GMDS: variants seen among roughly 807,000 people sequenced by gnomAD.
GMDS encodes GDP-mannose 4,6 dehydratase.
In GMDS, 20 loss-of-function variants were observed where a neutral mutation model predicts 49.9. The ratio of observed to expected loss-of-function variants is 0.40; its 90% CI spans 0.28 to 0.58. The LOEUF (loss-of-function observed/expected upper bound fraction) is 0.58, where lower values mean the gene tolerates loss of function less well. Among genes scored for constraint, GMDS ranks in the 20% least tolerant of loss-of-function variants. The probability of loss-of-function intolerance (pLI) is 0.42; values close to 1 mark genes in which losing one functional copy is unlikely to be tolerated. For synonymous variants in GMDS, 177 were observed against 178.6 expected, an observed-to-expected ratio of 0.99 and a Z score of 0.07; for missense variants, 362 against 481.4, an observed-to-expected ratio of 0.75 and a Z score of 2.32.
chr6:1,989,315 A>G (rs942204018), intron 4 of GMDS, among the ~76,000 whole-genome samples: 2 of 152,206 alleles, frequency 1.3e-5, no homozygotes, highest in Non-Finnish European at 2.9e-5. Flanking sequence ...AAGGCTGTTA[A>G]TGGAAGAGAA....
chr6:1,814,881 T>C (rs937591049), intron 7 of GMDS, among the ~76,000 whole-genome samples: 1 of 152,164 alleles, frequency 6.6e-6, no homozygotes, highest in African/African-American at 2.4e-5. Flanking sequence ...CAGTTTCCAA[T>C]TAAAAATGAT....
At chr6:2,108,164 T>C (rs1280282715) in intron 4 of GMDS, among the ~76,000 whole-genome samples, 4 of 152,238 alleles carry the variant, frequency 2.6e-5, no homozygotes, top group Admixed American at 2.6e-4. Context: ...AGCAGAAATA[T>C]TTATTTTTAG....
intron 1 of GMDS, among the ~76,000 whole-genome samples, chr6:2,166,386 A>C (rs1411746444): frequency 6.6e-6 from 1 of 152,236 alleles, no homozygotes; most frequent in Non-Finnish European, 1.5e-5. Context: ...ACTCTTTGCC[A>C]GTCCCTATAC....
At chr6:1,815,612 G>A (rs972212777) in intron 7 of GMDS, among the ~76,000 whole-genome samples, 1 of 152,178 alleles carries the variant, frequency 6.6e-6, no homozygotes, top group African/African-American at 2.4e-5. Context: ...TGGGCCACAT[G>A]CTTTTTTCAA....
At chr6:2,213,194 AAG>A (rs534483830) in intron 1 of GMDS, among the ~76,000 whole-genome samples, 35 of 152,324 alleles carry the variant, frequency 2.3e-4, no homozygotes, top group Non-Finnish European at 4.0e-4. Context: ...TCACTGAGGG[AAG>A]CCTTTTTAGA....
At chr6:1,777,353 A>AT (rs1187837690) in intron 7 of GMDS, among the ~76,000 whole-genome samples, 1 of 152,232 alleles carries the variant, frequency 6.6e-6, no homozygotes, top group East Asian at 1.9e-4. Flanking sequence ...AGGATGTGTG[A>AT]TATTTTTTTA....
chr6:1,717,275 T>C (rs1025334778), intron 9 of GMDS, among the ~76,000 whole-genome samples: 1 of 152,224 alleles, frequency 6.6e-6, no homozygotes, highest in African/African-American at 2.4e-5. Context: ...CCAACATAGA[T>C]TTTAGACTAT....
Position 1,778,813 on chromosome 6 carries a change from T to G in GMDS, c.772-36227A>C, listed in dbSNP as rs1024975460. Among the ~76,000 whole-genome samples the G allele has an allele frequency of 6.6e-6, 1 of 151,664 alleles. No homozygotes were observed. The highest frequency in any genetic ancestry group is 2.4e-5 in the African/African-American group (1 of 41,300). On this transcript the variant is annotated intron_variant, in intron 7 of 10. Coordinates refer to ENST00000380815, the MANE Select transcript of GMDS (RefSeq NM_001500.4). This position sits in a 1 kb window ranked among gnomAD's most constrained non-coding sequence, Gnocchi z 4.6. Reference sequence around the variant, plus strand: ...GTGTGGGCCAGGACTGTACCAGCTCTGCAGTCAGAACTTGGCCCCTTGCAT... The same window carrying G: ...GTGTGGGCCAGGACTGTACCAGCTCGGCAGTCAGAACTTGGCCCCTTGCAT...
intron 7 of GMDS, among the ~76,000 whole-genome samples, chr6:1,900,413 C>A (rs1374925314): frequency 6.6e-6 from 1 of 152,124 alleles, no homozygotes; most frequent in Non-Finnish European, 1.5e-5. Context: ...TGAAATCCAT[C>A]TTTTTATAAC....
At chr6:2,142,430 A>C (rs1776348485) in intron 1 of GMDS, among the ~76,000 whole-genome samples, 1 of 152,134 alleles carries the variant, frequency 6.6e-6, no homozygotes, top group South Asian at 2.1e-4. Flanking sequence ...AAAAAAAAGA[A>C]AGAAAAGAAA....
At chr6:1,821,751 G>A (rs1405833804) in intron 7 of GMDS, among the ~76,000 whole-genome samples, 2 of 150,232 alleles carry the variant, frequency 1.3e-5, no homozygotes, top group Non-Finnish European at 2.9e-5. Flanking sequence ...AGTCATGAAA[G>A]CTTGTAGTTT....
At chr6:1,915,210 T>C (rs1429027917) in intron 7 of GMDS, among the ~76,000 whole-genome samples, 2 of 152,356 alleles carry the variant, frequency 1.3e-5, no homozygotes, top group Admixed American at 1.3e-4. Flanking sequence ...TCTCAGGCAG[T>C]TGAGCACCGG....
intron 1 of GMDS, among the ~76,000 whole-genome samples, chr6:2,222,325 G>A (rs896492985): frequency 6.6e-6 from 1 of 152,140 alleles, no homozygotes; most frequent in African/African-American, 2.4e-5. Context: ...CCACACCCTG[G>A]TGCAGTGAAT....
At chr6:1,787,334 C>T (rs1053239610) in intron 7 of GMDS, among the ~76,000 whole-genome samples, 3 of 152,224 alleles carry the variant, frequency 2.0e-5, no homozygotes, top group East Asian at 1.9e-4. Context: ...AAGTGTACTA[C>T]AGCAGGAGGT....
At chr6:1,939,933 G>A (rs1762738913) in intron 6 of GMDS, among the ~76,000 whole-genome samples, 1 of 152,024 alleles carries the variant, frequency 6.6e-6, no homozygotes, top group Admixed American at 6.6e-5. Context: ...CCCTATGGGA[G>A]GTTCACTAAG....
chr6:1,855,938 C>T (rs3800097), intron 7 of GMDS, among the ~76,000 whole-genome samples: 74,651 of 152,000 alleles, frequency 0.49, 21,491 homozygotes, highest in Non-Finnish European at 0.63. Context: ...AGATTCTGAC[C>T]GTGACAAATT....
At chr6:1,704,292 G>T (rs1335914976) in intron 9 of GMDS, among the ~76,000 whole-genome samples, 1 of 151,808 alleles carries the variant, frequency 6.6e-6, no homozygotes, top group Non-Finnish European at 1.5e-5. Context: ...ATTCAAGGCG[G>T]GGTGGGTGTG....
Position 1,924,493 on chromosome 6 carries a change from T to C in GMDS, c.771+5610A>G, listed in dbSNP as rs141546960. The stretch of plus-strand genomic sequence containing the variant: ...TGTCTCCCAAGAGCAAGGGGCCTTT[T>C]TTGTGGGTGGTAAAAGCCTGAAGAT... On this transcript the variant is annotated intron_variant, in intron 7 of 10. Transcript: ENST00000380815. 4.0e-4 allele frequency among the ~76,000 whole-genome samples: 61 copies of C among 152,270 alleles called. No homozygotes were observed. In the East Asian group the frequency reaches 9.3e-3, roughly 23 times the overall value.
chr6:1,971,492 T>C lies in GMDS; in HGVS notation c.346-10526A>G, dbSNP rs202095659. 1.6e-4 allele frequency among the ~76,000 whole-genome samples: 25 copies of C among 152,360 alleles called. No individual in the cohort carries two copies. In the East Asian group the frequency reaches 3.9e-3, roughly 23 times the overall value. Reference sequence around the variant, plus strand: ...CTAACCAGACTAAACAAATGTGACATCTTTGTTTGCCTTTGTATGCTCAAG... The same window carrying C: ...CTAACCAGACTAAACAAATGTGACACCTTTGTTTGCCTTTGTATGCTCAAG... On this transcript the variant is annotated intron_variant, in intron 4 of 10. Transcript: ENST00000380815.
Sources: allele counts gnomAD v4.1 joint callset (sites outside exome capture counted in the v4.1 genomes callset), GRCh38; gene constraint gnomAD v4.1.1; non-coding constraint Gnocchi (gnomAD v3.1); transcripts MANE v1.5; gene names NCBI Gene and HGNC (gene_info 2026-07-23, HGNC 2026-07-21).